The following ASTN2 variants were observed in gnomAD, a reference collection of about 807,000 sequenced individuals.
ASTN2 encodes astrotactin-2.
In ASTN2, 54 loss-of-function variants were observed where a neutral mutation model predicts 139.8. That is an observed-to-expected ratio of 0.39 (90% CI 0.31 to 0.48). The LOEUF (loss-of-function observed/expected upper bound fraction) is 0.48. ASTN2 is among the 20% of genes least tolerant of loss of function. The pLI is 0.95. For missense variants in ASTN2, 1,565 were observed against 1,725.1 expected (o/e 0.91, Z 1.64); for synonymous variants, 756 against 719.5 (o/e 1.05, Z -0.81).
In ASTN2 at chr9:116,851,683, ACG is replaced by A. The variant is rs561985750; in HGVS notation, c.2040+11898_2040+11899del. 6.1e-3 allele frequency among the ~76,000 whole-genome samples: 925 copies of A among 152,238 alleles called. 8 individuals are homozygous for A. The highest frequency in any genetic ancestry group is 0.021 in the African/African-American group (867 of 41,516). On this transcript the variant is annotated intron_variant, in intron 11 of 22. Coordinates refer to ENST00000313400, the MANE Select transcript of ASTN2 (RefSeq NM_001365068.1). ...AATAATTTCATAATTAAAAAAAAAC[ACG>A]TTTTAGTTGAATTGCTTCATTACCT...
At chr9:116,632,224 AGAAAGAAAGAAAGAAAGAAAGAAAGAAG>A (rs1375380223) in intron 17 of ASTN2, among the ~76,000 whole-genome samples, 17 of 136,650 alleles carry the variant, frequency 1.2e-4, no homozygotes, top group African/African-American at 3.9e-4. Flanking sequence ...AAAGAAAGAA[AGAAAGAAAGAAAGAAAGAAAGAAAGAAG>A]GAAAGAAAGA....
intron 4 of ASTN2, among the ~76,000 whole-genome samples, chr9:117,109,932 A>G (rs888432186): frequency 6.6e-6 from 1 of 152,008 alleles, no homozygotes; most frequent in South Asian, 2.1e-4. Flanking sequence ...ATGCTTCCCA[A>G]TTTCCCTGCT....
intron 1 of ASTN2, among the ~76,000 whole-genome samples, chr9:117,373,924 T>A (rs1346527863): frequency 6.6e-6 from 1 of 152,168 alleles, no homozygotes; most frequent in Non-Finnish European, 1.5e-5. Context: ...CTGAAGCACT[T>A]AATGATTATT....
rs1425248908 is a variant in ASTN2 at position 117,237,350 on chromosome 9, C to A, written c.631-22608G>T. Among the ~76,000 whole-genome samples the A allele has an allele frequency of 3.9e-5, 6 of 152,122 alleles. No homozygotes were observed. In the East Asian group the frequency reaches 1.2e-3, roughly 29 times the overall value. ...CTTGCCCTCCGGCCCAGGGATGAAGCCTTTGGGACCTCCCCATGGTGGTAG... is the reference window on the plus strand; with the variant it reads ...CTTGCCCTCCGGCCCAGGGATGAAGACTTTGGGACCTCCCCATGGTGGTAG... On this transcript the variant is annotated intron_variant, in intron 2 of 22. Coordinates refer to ENST00000313400, the MANE Select transcript of ASTN2 (RefSeq NM_001365068.1).
intron 11 of ASTN2, among the ~76,000 whole-genome samples, chr9:116,852,680 A>G (rs1832641315): frequency 6.6e-6 from 1 of 152,170 alleles, no homozygotes; most frequent in African/African-American, 2.4e-5. Flanking sequence ...TAACAATAAT[A>G]ATAATGTCAT....
At chr9:117,277,663 C>T (rs978791960) in intron 2 of ASTN2, among the ~76,000 whole-genome samples, 2 of 152,118 alleles carry the variant, frequency 1.3e-5, no homozygotes, top group Admixed American at 6.5e-5. Context: ...AATTTTTAAA[C>T]CTCCTAGTAA....
intron 6 of ASTN2, among the ~76,000 whole-genome samples, chr9:117,013,801 A>G (rs1198707214): frequency 6.6e-6 from 1 of 152,088 alleles, no homozygotes; most frequent in African/African-American, 2.4e-5. Context: ...AATACCACGG[A>G]AGGAGGTATC....
chr9:117,109,603 G>T (rs1010791933), intron 4 of ASTN2, among the ~76,000 whole-genome samples: 1 of 152,100 alleles, frequency 6.6e-6, no homozygotes, highest in East Asian at 1.9e-4. Flanking sequence ...CCCTTTCTTA[G>T]TTTTCAGGTT....
At chr9:116,737,945 C>A (rs886629652) in intron 13 of ASTN2, among the ~76,000 whole-genome samples, 8 of 152,082 alleles carry the variant, frequency 5.3e-5, no homozygotes, top group Non-Finnish European at 1.0e-4. Context: ...GTAATCCCAG[C>A]ACTTTGGGAG....
At chr9:116,976,897 G>A in intron 7 of ASTN2, 112 bp from the exon 8 acceptor site, 1 of 875,546 alleles carries the variant, frequency 1.1e-6, no homozygotes. Flanking sequence ...TTTTAGAAAA[G>A]GCACATGGAA....
intron 1 of ASTN2, among the ~76,000 whole-genome samples, chr9:117,361,137 G>A (rs1283778588): frequency 1.3e-5 from 2 of 152,176 alleles, no homozygotes; most frequent in Non-Finnish European, 2.9e-5. Flanking sequence ...GTTGCACCAA[G>A]TCAGGCTAGA....
chr9:116,548,537 A>C (rs1043365746), intron 19 of ASTN2, among the ~76,000 whole-genome samples: 2 of 152,054 alleles, frequency 1.3e-5, no homozygotes, highest in African/African-American at 4.8e-5. Context: ...CCATGGCGTG[A>C]TCTCAGCTCA....
intron 3 of ASTN2, among the ~76,000 whole-genome samples, chr9:117,163,855 C>T (rs1237749021): frequency 6.6e-6 from 1 of 152,028 alleles, no homozygotes; most frequent in Non-Finnish European, 1.5e-5. Flanking sequence ...TTCATAGGTG[C>T]AATGATGTGT....
chr9:116,616,150 T>C (rs1855842932), intron 19 of ASTN2, among the ~76,000 whole-genome samples: 1 of 152,190 alleles, frequency 6.6e-6, no homozygotes, highest in African/African-American at 2.4e-5. Flanking sequence ...GACATGATCA[T>C]GCATACAGAA....
chr9:117,247,371 C>T (rs1222443752), intron 2 of ASTN2, among the ~76,000 whole-genome samples: 2 of 152,128 alleles, frequency 1.3e-5, no homozygotes, highest in Non-Finnish European at 2.9e-5. Context: ...CTAAAGCAGC[C>T]CCATCATTGA....
intron 3 of ASTN2, among the ~76,000 whole-genome samples, chr9:117,185,017 T>C (rs1463156798): frequency 1.3e-5 from 2 of 152,274 alleles, no homozygotes; most frequent in Admixed American, 6.5e-5. Flanking sequence ...GGTTAGTTAC[T>C]CTGTCCACGA....
chr9:116,468,210 C>T (rs10983178), intron 20 of ASTN2, among the ~76,000 whole-genome samples: 1 of 152,208 alleles, frequency 6.6e-6, no homozygotes. Flanking sequence ...ATACTAGTGG[C>T]ACTCCCAAAG....
intron 2 of ASTN2, among the ~76,000 whole-genome samples, chr9:117,264,285 A>G (rs2133113630): frequency 6.6e-6 from 1 of 152,240 alleles, no homozygotes; most frequent in Admixed American, 6.5e-5. Flanking sequence ...CATCTACTGA[A>G]TTTCATTGCA....
chr9:117,326,218 T>C (rs978612921), intron 1 of ASTN2, among the ~76,000 whole-genome samples: 26 of 152,168 alleles, frequency 1.7e-4, no homozygotes, highest in Non-Finnish European at 1.6e-4. Context: ...GATATCTGCA[T>C]GCCAGATGTG....
Sources: allele counts gnomAD v4.1 joint callset (sites outside exome capture counted in the v4.1 genomes callset), GRCh38; gene constraint gnomAD v4.1.1; transcripts MANE v1.5; gene names NCBI Gene and HGNC (gene_info 2026-07-23, HGNC 2026-07-21).